The following RSRC1 variants were observed in gnomAD, a reference collection of about 807,000 sequenced individuals.
The protein encoded by RSRC1 is serine/Arginine-related protein 53.
A neutral mutation model predicts 49.1 loss-of-function variants in RSRC1; 39 were observed. The observed-to-expected ratio is 0.79, with a 90% CI of 0.61 to 1.04. The LOEUF is 1.04. RSRC1 is among the 50% of genes least tolerant of loss of function. The probability of loss-of-function intolerance (pLI) is 0.00; values close to 1 mark genes in which losing one functional copy is unlikely to be tolerated. For missense variants in RSRC1, 388 were observed against 402.4 expected (o/e 0.96, Z 0.31); for synonymous variants, 143 against 130.8 (o/e 1.09, Z -0.63).
At chr3:158,463,322 T>C (rs1238791733) in intron 7 of RSRC1, among the ~76,000 whole-genome samples, 2 of 152,108 alleles carry the variant, frequency 1.3e-5, no homozygotes, top group Non-Finnish European at 2.9e-5. Flanking sequence ...GTCTAGATAC[T>C]TGAATGCTAT....
chr3:158,316,772 A>G (rs749198001), intron 5 of RSRC1, among the ~76,000 whole-genome samples: 4 of 152,128 alleles, frequency 2.6e-5, no homozygotes, highest in Non-Finnish European at 5.9e-5. Context: ...CAAATGTGCT[A>G]TGACATTGTT....
Position 158,486,027 on chromosome 3 carries a change from A to G in RSRC1, c.652+25024A>G, listed in dbSNP as rs1376229392. ...TTCATTCAAAAGTGCTTGCTTGACT[A>G]TTTAACAGCCATACAGATTATCATT... On this transcript the variant is annotated intron_variant, in intron 7 of 9. Transcript: ENST00000611884. Among the ~76,000 whole-genome samples, 4 of 152,194 alleles carry G rather than the reference A, an allele frequency of 2.6e-5. 1 individual carries two copies. Among genetic ancestry groups the G allele is most frequent in the African/African-American group, 9.6e-5 (4 of 41,454 alleles).
At chr3:158,376,106 G>A (rs954379780) in intron 6 of RSRC1, among the ~76,000 whole-genome samples, 1 of 113,780 alleles carries the variant, frequency 8.8e-6, no homozygotes, top group Non-Finnish European at 1.7e-5. Context: ...CTTTGTAGTC[G>A]TTCCTATGGT....
At chr3:158,168,186 G>T (rs910933271) in intron 3 of RSRC1, among the ~76,000 whole-genome samples, 3 of 152,110 alleles carry the variant, frequency 2.0e-5, no homozygotes, top group Non-Finnish European at 4.4e-5. Context: ...GCTCTCCACT[G>T]CAAGCCTAAC....
intron 4 of RSRC1, among the ~76,000 whole-genome samples, chr3:158,252,742 A>G (rs1316506553): frequency 1.3e-5 from 2 of 152,068 alleles, no homozygotes; most frequent in African/African-American, 4.8e-5. Context: ...GAGACTTTTT[A>G]TTATGATTTT....
chr3:158,517,237 G>A (rs1466675015), intron 7 of RSRC1, among the ~76,000 whole-genome samples: 4 of 152,068 alleles, frequency 2.6e-5, no homozygotes, highest in African/African-American at 4.8e-5. Flanking sequence ...TGATTCTTGA[G>A]TATTGATTTT....
intron 6 of RSRC1, among the ~76,000 whole-genome samples, chr3:158,389,666 T>A (rs911798028): frequency 6.6e-6 from 1 of 152,238 alleles, no homozygotes; most frequent in African/African-American, 2.4e-5. Context: ...CTGGAAAATT[T>A]AGCATGAGTT....
At chr3:158,511,740 CA>C (rs1257589170) in intron 7 of RSRC1, among the ~76,000 whole-genome samples, 1 of 152,148 alleles carries the variant, frequency 6.6e-6, no homozygotes, top group Non-Finnish European at 1.5e-5. Context: ...GTCCCACCAA[CA>C]GTGTAAAAGT....
intron 3 of RSRC1, among the ~76,000 whole-genome samples, chr3:158,163,144 C>G (rs1256705972): frequency 6.6e-6 from 1 of 152,060 alleles, no homozygotes; most frequent in Non-Finnish European, 1.5e-5. Context: ...GCTGGGATTA[C>G]AGGCACCGCC....
chr3:158,358,927 T>C (rs866728895), intron 6 of RSRC1, among the ~76,000 whole-genome samples: 4 of 129,054 alleles, frequency 3.1e-5, no homozygotes, highest in East Asian at 4.1e-4. Flanking sequence ...CACACAAACA[T>C]ACACACACAC....
At chr3:158,516,351 CG>C (rs1740533439) in intron 7 of RSRC1, among the ~76,000 whole-genome samples, 1 of 151,790 alleles carries the variant, frequency 6.6e-6, no homozygotes, top group African/African-American at 2.4e-5. Flanking sequence ...TTGGAGTACC[CG>C]GCCGTGTGAG....
At chr3:158,511,368 G>A (rs1221572478) in intron 7 of RSRC1, among the ~76,000 whole-genome samples, 3 of 152,124 alleles carry the variant, frequency 2.0e-5, no homozygotes, top group African/African-American at 7.2e-5. Flanking sequence ...GTGAGAATAT[G>A]TGGTGTTTGC....
intron 6 of RSRC1, among the ~76,000 whole-genome samples, chr3:158,364,379 T>C (rs1560011574): frequency 2.0e-5 from 3 of 152,180 alleles, no homozygotes. Flanking sequence ...AGCAGGAGAT[T>C]GAAACGTTTA....
At chr3:158,176,335 C>T (rs1335209619) in intron 3 of RSRC1, among the ~76,000 whole-genome samples, 1 of 152,170 alleles carries the variant, frequency 6.6e-6, no homozygotes, top group Non-Finnish European at 1.5e-5. Context: ...GAAGAATCCA[C>T]ATTGCCAAGA....
chr3:158,475,077 G>A (rs1003272050), intron 7 of RSRC1, among the ~76,000 whole-genome samples: 6 of 151,900 alleles, frequency 3.9e-5, no homozygotes, highest in African/African-American at 1.2e-4. Context: ...ATCACACCTG[G>A]CTAATTTTTT....
At chr3:158,516,191 A>T (rs1740520525) in intron 7 of RSRC1, among the ~76,000 whole-genome samples, 2 of 152,004 alleles carry the variant, frequency 1.3e-5, no homozygotes, top group African/African-American at 4.8e-5. Flanking sequence ...TAGAGTTTCC[A>T]GTTTTTCTGC....
At chr3:158,356,356 T>A (rs919210901) in intron 6 of RSRC1, among the ~76,000 whole-genome samples, 6 of 152,088 alleles carry the variant, frequency 3.9e-5, no homozygotes, top group Admixed American at 1.3e-4. Context: ...ATTAGTTCTT[T>A]GTATTCTCAT....
At chr3:158,341,164 A>T (rs963047456) in intron 5 of RSRC1, among the ~76,000 whole-genome samples, 1 of 152,214 alleles carries the variant, frequency 6.6e-6, no homozygotes, top group Non-Finnish European at 1.5e-5. Context: ...CAATAGAAAA[A>T]AAAACATTCT....
intron 5 of RSRC1, among the ~76,000 whole-genome samples, chr3:158,342,152 G>A (rs1730280532): frequency 6.6e-6 from 1 of 152,170 alleles, no homozygotes; most frequent in Non-Finnish European, 1.5e-5. Flanking sequence ...GGACTTTTGG[G>A]TTAATGCTGA....
Sources: allele counts gnomAD v4.1 joint callset (sites outside exome capture counted in the v4.1 genomes callset), GRCh38; gene constraint gnomAD v4.1.1; transcripts MANE v1.5; gene names NCBI Gene and HGNC (gene_info 2026-07-23, HGNC 2026-07-21).